The following SCHIP1 variants were observed in gnomAD, a reference collection of about 807,000 sequenced individuals.
SCHIP1 encodes the protein schwannomin interacting protein 1, also known as schwannomin-interacting protein 1.
A neutral mutation model predicts 29.7 loss-of-function variants in SCHIP1; 8 were observed. The ratio of observed to expected loss-of-function variants is 0.27; its 90% CI spans 0.16 to 0.49. The LOEUF is 0.49. Among genes scored for constraint, SCHIP1 ranks in the 20% least tolerant of loss-of-function variants. The pLI is 0.99. For synonymous variants in SCHIP1, 76 were observed against 94.9 expected (o/e 0.80, Z 1.16); for missense variants, 193 against 294.6 (o/e 0.66, Z 2.52).
the SCHIP1 span, among the ~76,000 whole-genome samples, chr3:159,499,189 C>T: frequency 5.3e-5 from 8 of 152,204 alleles, no homozygotes; most frequent in Non-Finnish European, 1.0e-4. Context: ...CTGAATTACT[C>T]ATACCATATA....
At chr3:159,396,419 T>A in the SCHIP1 span, among the ~76,000 whole-genome samples, 1 of 147,384 alleles carries the variant, frequency 6.8e-6, no homozygotes, top group Non-Finnish European at 1.5e-5. Flanking sequence ...CTAGTCTCGA[T>A]GGTCTTTACA....
At chr3:159,382,256 C>G in the SCHIP1 span, among the ~76,000 whole-genome samples, 3 of 150,240 alleles carry the variant, frequency 2.0e-5, no homozygotes, top group Non-Finnish European at 3.0e-5. Flanking sequence ...ATCCCTCCCC[C>G]CTCACCCCAC....
At chr3:159,658,441 T>C in the SCHIP1 span, among the ~76,000 whole-genome samples, 4 of 152,334 alleles carry the variant, frequency 2.6e-5, no homozygotes, top group African/African-American at 9.6e-5. Flanking sequence ...GGTATTCTTA[T>C]GCATATTAAA....
At chr3:159,834,983 G>A (rs760311888), upstream of SCHIP1, among the ~76,000 whole-genome samples, 5 of 152,066 alleles carry the variant, frequency 3.3e-5, no homozygotes, top group Admixed American at 2.6e-4. Context: ...CTTTGGGTGC[G>A]GCATTCAAGG....
the SCHIP1 span, among the ~76,000 whole-genome samples, chr3:159,318,113 T>G: frequency 2.0e-5 from 3 of 152,188 alleles, no homozygotes; most frequent in African/African-American, 7.2e-5. Flanking sequence ...ACTTTGTTCA[T>G]GGGTCCATTG....
the SCHIP1 span, among the ~76,000 whole-genome samples, chr3:159,419,663 G>T: frequency 2.6e-5 from 4 of 152,088 alleles, no homozygotes; most frequent in Non-Finnish European, 5.9e-5. Flanking sequence ...GCAAAAATTA[G>T]CTAGGCGTGG....
chr3:159,515,242 C>A, the SCHIP1 span, among the ~76,000 whole-genome samples: 1 of 151,782 alleles, frequency 6.6e-6, no homozygotes, highest in Non-Finnish European at 1.5e-5. Context: ...CCTCTGCTCA[C>A]AATCCTTTAA....
the SCHIP1 span, among the ~76,000 whole-genome samples, chr3:159,294,062 C>T: frequency 0.16 from 23,584 of 151,890 alleles, 2,126 homozygotes; most frequent in Middle Eastern, 0.27. Flanking sequence ...GAATGGAGTG[C>T]CTGTGCTGGA....
the SCHIP1 span, among the ~76,000 whole-genome samples, chr3:159,444,157 C>G: frequency 8.5e-5 from 13 of 152,108 alleles, no homozygotes; most frequent in Non-Finnish European, 1.9e-4. Context: ...AGCAGCACAG[C>G]TGTGAGCAAG....
chr3:159,394,826 T>C, the SCHIP1 span, among the ~76,000 whole-genome samples: 1 of 152,194 alleles, frequency 6.6e-6, no homozygotes, highest in African/African-American at 2.4e-5. Context: ...GATGCTGGCC[T>C]CATAAAATGA....
the SCHIP1 span, among the ~76,000 whole-genome samples, chr3:159,755,562 C>A: frequency 6.6e-6 from 1 of 152,162 alleles, no homozygotes; most frequent in African/African-American, 2.4e-5. Flanking sequence ...TATCATTCTG[C>A]CCCTGGCCCC....
At chr3:159,633,172 A>G in the SCHIP1 span, among the ~76,000 whole-genome samples, 2 of 152,320 alleles carry the variant, frequency 1.3e-5, no homozygotes, top group East Asian at 1.9e-4. Flanking sequence ...ACAGATTTTT[A>G]ACACAAAATC....
chr3:159,283,791 G>A, the SCHIP1 span, among the ~76,000 whole-genome samples: 1 of 152,034 alleles, frequency 6.6e-6, no homozygotes, highest in Non-Finnish European at 1.5e-5. Flanking sequence ...ATACTAAATT[G>A]CCTCTTCCTT....
the SCHIP1 span, among the ~76,000 whole-genome samples, chr3:159,356,535 A>G: frequency 7.2e-5 from 11 of 152,206 alleles, no homozygotes; most frequent in Non-Finnish European, 1.5e-4. Flanking sequence ...TTTTGTTGTT[A>G]GCGTCTAAAT....
the SCHIP1 span, among the ~76,000 whole-genome samples, chr3:159,449,155 C>A: frequency 4.6e-5 from 7 of 152,180 alleles, no homozygotes; most frequent in Non-Finnish European, 8.8e-5. Context: ...ACCTGATGTC[C>A]TTCTGCCTTG....
the SCHIP1 span, among the ~76,000 whole-genome samples, chr3:159,481,928 G>A: frequency 6.6e-6 from 1 of 152,096 alleles, no homozygotes; most frequent in Admixed American, 6.6e-5. Flanking sequence ...GGAGGTTGTG[G>A]GGTGATTAGA....
At chr3:159,765,165 G>A in the SCHIP1 span, 20 of 1,539,368 alleles carry the variant, frequency 1.3e-5, no homozygotes, top group Admixed American at 2.4e-4. Context: ...GCGTGCCCAC[G>A]CGCGCACACA....
the SCHIP1 span, among the ~76,000 whole-genome samples, chr3:159,432,146 G>A: frequency 6.6e-6 from 1 of 152,078 alleles, no homozygotes; most frequent in South Asian, 2.1e-4. Flanking sequence ...GAGGCTGGAG[G>A]ATCCAAGATA....
At chr3:159,896,624 A>G in intron 6 of SCHIP1, 99 bp from the exon 8 acceptor site, 1 of 1,193,580 alleles carries the variant, frequency 8.4e-7, no homozygotes, top group Non-Finnish European at 1.1e-6. Flanking sequence ...CACTGTCAGT[A>G]ACTCTGAACT....
Sources: allele counts gnomAD v4.1 joint callset (sites outside exome capture counted in the v4.1 genomes callset), GRCh38; gene constraint gnomAD v4.1.1; transcripts MANE v1.5; gene names NCBI Gene and HGNC (gene_info 2026-07-23, HGNC 2026-07-21).